The following NOMO1 variants were observed in gnomAD, a reference collection of about 807,000 sequenced individuals.
NOMO1 encodes the protein NODAL modulator 1, also known as nodal modulator 3.
In NOMO1, 40 loss-of-function variants were observed where a neutral mutation model predicts 133.8. That is an observed-to-expected ratio of 0.30 (90% CI 0.23 to 0.39). The LOEUF is 0.39. NOMO1 is among the 10% of genes least tolerant of loss of function. The pLI, the probability that NOMO1 is intolerant of heterozygous loss-of-function variation, is 1.00. For synonymous variants in NOMO1, 236 were observed against 570.5 expected (o/e 0.41, Z 8.36); for missense variants, 462 against 1,419.9 (o/e 0.33, Z 10.84).
intron 1 of NOMO1, among the ~76,000 whole-genome samples, chr16:14,836,144 C>T (rs1963504281): frequency 1.3e-5 from 2 of 152,186 alleles, no homozygotes; most frequent in Admixed American, 6.5e-5. Context: ...GATCTGAATC[C>T]TTTTGGATGA....
intron 14 of NOMO1, among the ~76,000 whole-genome samples, chr16:14,866,099 C>A (rs1390168353): frequency 6.7e-6 from 1 of 148,406 alleles, no homozygotes; most frequent in African/African-American, 2.5e-5. Context: ...GCTCTGTCAC[C>A]CAGGCCGGAG....
chr16:14,876,380 T>C lies in NOMO1; in HGVS notation c.2378T>C (p.Ile793Thr). The C allele has an allele frequency of 6.2e-7, 1 of 1,611,176 alleles. No individual in the cohort carries two copies. Among genetic ancestry groups the C allele is most frequent in the South Asian group, 1.1e-5 (1 of 90,930 alleles). ...VSGESCPGKL[I>T]EIHGKAGLFL... The stretch of plus-strand genomic sequence containing the variant: ...TTAGAAAGCTGCCCAGGGAAGCTGA[T>C]CGAGATCCATGGGAAGGCAGGCCTG... Residue 793 changes from isoleucine (I) to threonine (T), a missense_variant, in exon 21 of 31, where the codon ATC becomes ACC. Ile to Thr is a moderately conservative substitution (Grantham distance 89). Coordinates refer to ENST00000287667, the MANE Select transcript of NOMO1 (RefSeq NM_014287.4).
rs1421970418 is a variant in NOMO1 at position 14,857,456 on chromosome 16, A to G, written c.1070-49A>G. 2 of 1,606,182 alleles carry G rather than the reference A, an allele frequency of 1.2e-6. 1 individual carries two copies. The highest frequency in any genetic ancestry group is 1.7e-6 in the Non-Finnish European group (2 of 1,176,072). On this transcript the variant is annotated intron_variant, in intron 10 of 30. Transcript: ENST00000287667. ...AGTATTCTGGTGTACATGTAAGGAT[A>G]CACTGTTGTTTTTGGCTTATCTTCT... is the stretch of plus-strand genomic sequence containing the variant.
At chr16:14,850,114 A>G (rs1404895600) in intron 6 of NOMO1, among the ~76,000 whole-genome samples, 1 of 148,038 alleles carries the variant, frequency 6.8e-6, no homozygotes, top group Non-Finnish European at 1.5e-5. Flanking sequence ...CTTGTTGCCC[A>G]GGCTGGAGTG....
intron 12 of NOMO1, among the ~76,000 whole-genome samples, chr16:14,863,691 CT>C (rs1963951038): frequency 1.4e-5 from 1 of 69,544 alleles, no homozygotes; most frequent in Non-Finnish European, 2.8e-5. Flanking sequence ...CAAGCCACAG[CT>C]GGCCCAAGCA....
intron 16 of NOMO1, among the ~76,000 whole-genome samples, chr16:14,868,944 CTT>C (rs1161863617): frequency 1.4e-5 from 2 of 142,098 alleles, no homozygotes. Context: ...TTTTTTTTCT[CTT>C]TTTTTTTTTT....
In NOMO1 at chr16:14,834,772, C is replaced by G. The variant is rs1218252299; in HGVS notation, c.165+756C>G. On this transcript the variant is annotated intron_variant, in intron 1 of 30. Coordinates refer to ENST00000287667, the MANE Select transcript of NOMO1 (RefSeq NM_014287.4). ...TGGGATTATGACCCAGAAAGGTTCCCGTAAAGAGGAAAGGGATGGATGGAG... is the reference window on the plus strand; with the variant it reads ...TGGGATTATGACCCAGAAAGGTTCCGGTAAAGAGGAAAGGGATGGATGGAG... 8.0e-4 allele frequency among the ~76,000 whole-genome samples: 110 copies of G among 137,282 alleles called. 1 individual carries two copies. Among genetic ancestry groups the G allele is most frequent in the Non-Finnish European group, 1.5e-3 (96 of 64,322 alleles). The allele number at this position is 137,282 out of a possible 152,430, so 90.1% of individuals were successfully genotyped here.
chr16:14,880,987 C>A (rs1218778585), intron 24 of NOMO1, among the ~76,000 whole-genome samples: 3 of 150,438 alleles, frequency 2.0e-5, no homozygotes, highest in African/African-American at 7.4e-5. Flanking sequence ...AGTTCAAGAC[C>A]AGCCTAGGCA....
In NOMO1 at chr16:14,880,100, A is replaced by G; in HGVS notation, c.2843A>G (p.Gln948Arg). Residue 948 changes from glutamine to arginine, a missense_variant, in exon 24 of 31, where the codon CAG becomes CGG. Gln to Arg is a conservative substitution (Grantham distance 43, BLOSUM62 1). Coordinates refer to ENST00000287667, the MANE Select transcript of NOMO1 (RefSeq NM_014287.4). ...SSQMIEVQEG[Q>R]NLKITITGYR... ...CAGATGATCGAGGTGCAGGAAGGCC[A>G]GAACCTGAAGATCACCATCACGGGG... 1 of 1,610,362 alleles carries G rather than the reference A, an allele frequency of 6.2e-7. No homozygotes were observed. The highest frequency in any genetic ancestry group is 1.3e-5 in the African/African-American group (1 of 74,218).
chr16:14,873,858 CTG>C (rs1026214520), intron 18 of NOMO1, among the ~76,000 whole-genome samples: 2 of 151,646 alleles, frequency 1.3e-5, no homozygotes, highest in African/African-American at 2.4e-5. Flanking sequence ...ATGAGCCCCT[CTG>C]TGGTCTTTTC....
chr16:14,889,120 A>G lies in NOMO1; in HGVS notation c.3349A>G (p.Thr1117Ala). The G allele has an allele frequency of 1.9e-6, 3 of 1,611,712 alleles. No homozygotes were observed. The highest frequency in any genetic ancestry group is 2.5e-6 in the Non-Finnish European group (3 of 1,179,814). Residue 1117 changes from threonine (T) to alanine (A), a missense_variant, in exon 29 of 31, where the codon ACA becomes GCA. Coordinates refer to ENST00000287667, the MANE Select transcript of NOMO1 (RefSeq NM_014287.4). ...GENYVVLLDS[T>A]LPRSQYDYIL... ...GAACTATGTTGTGCTTCTGGACTCC[A>G]CACTCCCCAGATCCCAGTATGACTA...
chr16:14,854,361 G>T (rs555186028), intron 9 of NOMO1, among the ~76,000 whole-genome samples: 1 of 130,672 alleles, frequency 7.7e-6, no homozygotes, highest in African/African-American at 2.9e-5. Flanking sequence ...TTAAGATAGG[G>T]TCTCACTGTG....
chr16:14,886,820 G>A lies in NOMO1; in HGVS notation c.3282G>A (p.Gln1094=), dbSNP rs563548373. The A allele has an allele frequency of 5.6e-6, 9 of 1,611,732 alleles. No homozygotes were observed. In the African/African-American group the frequency reaches 8.0e-5, roughly 14 times the overall value. The change falls in exon 28 of 31, where the codon CAG becomes CAA. Residue 1094 remains glutamine (Q), a synonymous_variant. Transcript: ENST00000287667. The part of the protein sequence containing the change: ...DNPIQTVSLG[Q]SLFFHFPPLL... ...CAATCCAGACAGTTTCCCTTGGCCA[G>A]TCCCTGTTCTTCCATTTCCCCCCAC...
chr16:14,878,913 G>A, intron 23 of NOMO1, 79 bp downstream of exon 23: 2 of 1,586,542 alleles, frequency 1.3e-6, no homozygotes, highest in Non-Finnish European at 1.7e-6. Flanking sequence ...CTTACGTGTT[G>A]CTTGACAACG....
chr16:14,840,919 G>C (rs1198793781), intron 2 of NOMO1, among the ~76,000 whole-genome samples: 1 of 151,402 alleles, frequency 6.6e-6, no homozygotes, highest in Non-Finnish European at 1.5e-5. Flanking sequence ...CTCCTGCCTT[G>C]GCCTCCCACA....
At position 14,889,095 on chromosome 16, in the gene NOMO1, G is replaced by A. The variant is rs368946866; in HGVS notation, c.3325-1G>A. ...AATAACTTCTTCCCATGTGTGCACA[G>A]AACTATGTTGTGCTTCTGGACTCCA... On this transcript the variant is annotated splice_acceptor_variant, in intron 28 of 30. Transcript: ENST00000287667. LOFTEE classifies it high-confidence loss of function. 3 of 1,611,678 alleles carry A rather than the reference G, an allele frequency of 1.9e-6. No individual in the cohort carries two copies. The highest frequency in any genetic ancestry group is 2.5e-6 in the Non-Finnish European group (3 of 1,179,838).
chr16:14,856,430 T>C (rs953123023), intron 9 of NOMO1, among the ~76,000 whole-genome samples: 4 of 151,542 alleles, frequency 2.6e-5, no homozygotes, highest in African/African-American at 9.7e-5. Context: ...GGATTTCTTT[T>C]TTTTTCTTTG....
intron 15 of NOMO1, among the ~76,000 whole-genome samples, chr16:14,867,674 G>GTCA (rs1964024038): frequency 6.7e-6 from 1 of 148,986 alleles, no homozygotes; most frequent in Non-Finnish European, 1.5e-5. Flanking sequence ...GGCGGCAGAT[G>GTCA]TCATCGTCAG....
At chr16:14,843,054 A>T (rs1963629556) in intron 3 of NOMO1, among the ~76,000 whole-genome samples, 1 of 129,692 alleles carries the variant, frequency 7.7e-6, no homozygotes, top group Non-Finnish European at 1.6e-5. Context: ...AGTAGATGAG[A>T]TTACAGGTGT....
Sources: allele counts gnomAD v4.1 joint callset (sites outside exome capture counted in the v4.1 genomes callset), GRCh38; gene constraint gnomAD v4.1.1; transcripts MANE v1.5; gene names NCBI Gene and HGNC (gene_info 2026-07-23, HGNC 2026-07-21).